CREB5: variants seen among roughly 807,000 people sequenced by gnomAD.
The protein encoded by CREB5 is cyclic AMP-responsive element-binding protein 5.
CREB5 carries 19 observed loss-of-function variants against 57.1 expected under a neutral mutation model. The ratio of observed to expected loss-of-function variants is 0.33; its 90% confidence interval spans 0.23 to 0.49. CREB5 has a LOEUF of 0.49. CREB5 is among the 20% of genes least tolerant of loss of function. The probability of loss-of-function intolerance (pLI) is 0.99; values close to 1 mark genes in which losing one functional copy is unlikely to be tolerated. For synonymous variants in CREB5, 238 were observed against 238.3 expected, an observed-to-expected ratio of 1.00 and a Z score of 0.01; for missense variants, 579 against 671.6, an observed-to-expected ratio of 0.86 and a Z score of 1.52.
At chr7:28,490,544 C>T (rs1405333181) in intron 2 of CREB5, among the ~76,000 whole-genome samples, 1 of 152,232 alleles carries the variant, frequency 6.6e-6, no homozygotes, top group East Asian at 1.9e-4. Flanking sequence ...GAGAGCTGCA[C>T]ATTAGTCATT....
chr7:28,662,681 G>T (rs1446856995), intron 5 of CREB5, among the ~76,000 whole-genome samples: 4 of 152,190 alleles, frequency 2.6e-5, no homozygotes, highest in Admixed American at 2.6e-4. Flanking sequence ...TATGCTGGGA[G>T]GCGCTGAGGA....
intron 4 of CREB5, among the ~76,000 whole-genome samples, chr7:28,564,170 A>G (rs1795391055): frequency 6.6e-6 from 1 of 152,240 alleles, no homozygotes; most frequent in African/African-American, 2.4e-5. Flanking sequence ...ATAACTGCCC[A>G]GGCATCATTA....
intron 4 of CREB5, among the ~76,000 whole-genome samples, chr7:28,560,826 G>A (rs1333141065): frequency 1.5e-5 from 2 of 132,088 alleles, no homozygotes; most frequent in Non-Finnish European, 1.6e-5. Flanking sequence ...GTGTGTGCGC[G>A]CGCGCGCGTG....
intron 5 of CREB5, among the ~76,000 whole-genome samples, chr7:28,655,695 GA>G (rs1329534073): frequency 1.3e-5 from 2 of 152,178 alleles, no homozygotes; most frequent in Non-Finnish European, 2.9e-5. Context: ...AAATGGTTAA[GA>G]TGATAAATTT....
In CREB5 at chr7:28,480,936, A is replaced by G. The variant is rs1791297310; in HGVS notation, c.4-7239A>G. Among the ~76,000 whole-genome samples the G allele has an allele frequency of 2.0e-5, 3 of 152,226 alleles. No individual in the cohort carries two copies. The South Asian group carries it at 6.2e-4, about 32-fold the overall frequency. Reference sequence around the variant, plus strand: ...AAATCAGAATTAGCCAGTAACTTTGAACAAAGACCTCCTATCTAAAGAAAC... The same window carrying G: ...AAATCAGAATTAGCCAGTAACTTTGGACAAAGACCTCCTATCTAAAGAAAC... On this transcript the variant is annotated intron_variant, in intron 1 of 10. Transcript: ENST00000357727.
At chr7:28,807,487 C>G (rs892659418) in intron 8 of CREB5, among the ~76,000 whole-genome samples, 1 of 152,178 alleles carries the variant, frequency 6.6e-6, no homozygotes, top group African/African-American at 2.4e-5. Context: ...CATAAAATTA[C>G]TAAGATGCAG....
chr7:28,409,990 C>A, upstream of CREB5: 1 of 454,118 alleles, frequency 2.2e-6, no homozygotes, highest in South Asian at 1.6e-5. This position sits in a 1 kb window ranked among gnomAD's most constrained non-coding sequence, Gnocchi z 4.4. Flanking sequence ...AGCTTCCCAG[C>A]GTGGCGGCGG....
At chr7:28,405,468 G>A (rs1389323503) in intron 1 of CREB5, among the ~76,000 whole-genome samples, 1 of 152,134 alleles carries the variant, frequency 6.6e-6, no homozygotes, top group African/African-American at 2.4e-5. Flanking sequence ...CTGGAGTGCT[G>A]TGGCGCAGTC....
intron 1 of CREB5, among the ~76,000 whole-genome samples, chr7:28,316,036 A>G (rs1040140741): frequency 1.3e-5 from 2 of 152,194 alleles, no homozygotes; most frequent in Non-Finnish European, 2.9e-5. Context: ...ATCTTGTTTC[A>G]AAAACCTGGA....
At chr7:28,772,733 G>GCTAT (rs1445491731) in intron 7 of CREB5, among the ~76,000 whole-genome samples, 1 of 152,150 alleles carries the variant, frequency 6.6e-6, no homozygotes, top group African/African-American at 2.4e-5. Context: ...TAAACTAACT[G>GCTAT]CTATCTGGAG....
chr7:28,315,472 C>T (rs1484305295), intron 1 of CREB5, among the ~76,000 whole-genome samples: 2 of 152,324 alleles, frequency 1.3e-5, no homozygotes, highest in East Asian at 1.9e-4. Context: ...GACAAGAAGA[C>T]GCTTCCAGCC....
chr7:28,805,027 C>CAAT (rs1259051738), intron 8 of CREB5, among the ~76,000 whole-genome samples: 2 of 152,098 alleles, frequency 1.3e-5, no homozygotes, highest in African/African-American at 4.8e-5. Context: ...TAAAGAGTAA[C>CAAT]AATTCAAGGC....
chr7:28,416,682 G>A lies in CREB5; in HGVS notation c.3+3765G>A, dbSNP rs116068024. 2.3e-3 allele frequency among the ~76,000 whole-genome samples: 355 copies of A among 152,306 alleles called. 2 individuals carry two copies. The highest frequency in any genetic ancestry group is 8.2e-3 in the African/African-American group (339 of 41,562). On this transcript the variant is annotated intron_variant, in intron 1 of 10. Coordinates refer to ENST00000357727, the MANE Select transcript of CREB5 (RefSeq NM_182898.4). The stretch of plus-strand genomic sequence containing the variant: ...GGCTCAAGCTTCTAAAATCATATCA[G>A]GGAATGATCCTGTGTCGAAGGTGAC...
intron 1 of CREB5, among the ~76,000 whole-genome samples, chr7:28,324,641 T>C (rs967981776): frequency 2.6e-5 from 4 of 152,154 alleles, no homozygotes; most frequent in Non-Finnish European, 4.4e-5. Flanking sequence ...TTTTTTCCTG[T>C]GGGTGATCTC....
intron 5 of CREB5, among the ~76,000 whole-genome samples, chr7:28,583,898 G>A (rs113308203): frequency 9.3e-4 from 141 of 152,074 alleles, no homozygotes; most frequent in African/African-American, 3.1e-3. Context: ...GGCTGGTCTC[G>A]AACTCCCAAC....
At chr7:28,720,223 A>G (rs902041664) in intron 6 of CREB5, among the ~76,000 whole-genome samples, 9 of 152,234 alleles carry the variant, frequency 5.9e-5, no homozygotes, top group African/African-American at 2.2e-4. Context: ...GAGTTCTCAG[A>G]AGCCCTAGAG....
chr7:28,301,573 A>T (rs1785098803), intron 1 of CREB5, among the ~76,000 whole-genome samples: 1 of 152,220 alleles, frequency 6.6e-6, no homozygotes, highest in African/African-American at 2.4e-5. Flanking sequence ...GATATACTGA[A>T]TAAGGATCTG....
Position 28,317,461 on chromosome 7 carries a change from T to C in CREB5, c.-25+18020T>C, listed in dbSNP as rs574725355. On this transcript the variant is annotated intron_variant, in intron 1 of 9. Coordinates refer to the CREB5 transcript ENST00000396299. ...GAGGCATCTTCCTAATAGCCTTGAC[T>C]TCCTCATCTCTGAATTTCTAAGGCA... is the stretch of plus-strand genomic sequence containing the variant. 7.2e-5 allele frequency among the ~76,000 whole-genome samples: 11 copies of C among 152,348 alleles called. No homozygotes were observed. In the East Asian group the frequency reaches 1.9e-3, roughly 27 times the overall value.
intron 10 of CREB5, 117 bp from the exon 11 acceptor site, chr7:28,818,999 C>T: frequency 5.0e-6 from 6 of 1,211,112 alleles, no homozygotes; most frequent in South Asian, 4.5e-5. Flanking sequence ...ATGTGTGAAA[C>T]TTCTATTTCA....
Sources: gnomAD v4.1 joint callset for allele counts (sites outside exome capture counted in the v4.1 genomes callset) on GRCh38, gnomAD v4.1.1 for gene constraint, Gnocchi (gnomAD v3.1) non-coding constraint, MANE v1.5 for transcripts, NCBI Gene and HGNC (gene_info 2026-07-23, HGNC 2026-07-21) for gene names.